Variants in GSG1L observed in about 807,000 individuals in gnomAD.
GSG1L encodes germ cell-specific gene 1-like protein.
GSG1L carries 24 observed loss-of-function variants against 42.1 expected under a neutral mutation model. That is an observed-to-expected ratio of 0.57 (90% CI 0.41 to 0.80). GSG1L has a LOEUF of 0.80. Among genes scored for constraint, GSG1L ranks in the 30% least tolerant of loss-of-function variants. The pLI, the probability that GSG1L is intolerant of heterozygous loss-of-function variation, is 0.00. For synonymous variants in GSG1L, 215 were observed against 203.5 expected (o/e 1.06, Z -0.48); for missense variants, 445 against 472.2 (o/e 0.94, Z 0.53).
At chr16:27,848,623 A>G (rs1158260618) in intron 3 of GSG1L, among the ~76,000 whole-genome samples, 1 of 152,196 alleles carries the variant, frequency 6.6e-6, no homozygotes, top group East Asian at 1.9e-4. Flanking sequence ...GCAGCCAGAC[A>G]ATTAGCATAT....
At chr16:28,023,013 G>C (rs1373535554) in intron 1 of GSG1L, among the ~76,000 whole-genome samples, 1 of 151,988 alleles carries the variant, frequency 6.6e-6, no homozygotes, top group Non-Finnish European at 1.5e-5. Context: ...TATATATAGA[G>C]AGATGAGGTC....
In GSG1L at chr16:27,789,466, T is replaced by A. The variant is rs142640157; in HGVS notation, c.*1904A>T. ...TGATGAATGATGGATAAAGGATGGA[T>A]GGATGATGGATAGATGGATGAATGG... On this transcript the variant is annotated 3_prime_UTR_variant, in exon 7 of 7. Transcript: ENST00000447459. The A allele has an allele frequency of 6.6e-6, 1 of 151,298 alleles. No homozygotes were observed. The highest frequency in any genetic ancestry group is 1.5e-5 in the Non-Finnish European group (1 of 67,842). The allele number at this position is 151,298 out of a possible 1,614,324, so 9.4% of individuals were successfully genotyped here.
At chr16:27,934,753 G>T (rs2084695614) in intron 2 of GSG1L, among the ~76,000 whole-genome samples, 1 of 152,104 alleles carries the variant, frequency 6.6e-6, no homozygotes, top group Non-Finnish European at 1.5e-5. Context: ...TAGCCTCTCT[G>T]AACCTCAGTT....
At chr16:27,909,635 C>CTTT (rs10709968) in intron 2 of GSG1L, among the ~76,000 whole-genome samples, 54 of 88,284 alleles carry the variant, frequency 6.1e-4, no homozygotes, top group South Asian at 1.6e-3. Flanking sequence ...CTGCACCCAG[C>CTTT]TTTTTTTTTT....
chr16:27,832,292 C>T (rs565870653), intron 4 of GSG1L, among the ~76,000 whole-genome samples: 7 of 152,280 alleles, frequency 4.6e-5, no homozygotes, highest in African/African-American at 1.4e-4. Context: ...TACAATATTA[C>T]AATATCACAA....
At chr16:27,903,423 C>G (rs1439843293) in intron 2 of GSG1L, among the ~76,000 whole-genome samples, 1 of 152,160 alleles carries the variant, frequency 6.6e-6, no homozygotes, top group African/African-American at 2.4e-5. Flanking sequence ...GAAACCACAG[C>G]CAAGACAGGG....
At chr16:28,053,125 A>G (rs1487954291) in intron 1 of GSG1L, among the ~76,000 whole-genome samples, 2 of 152,154 alleles carry the variant, frequency 1.3e-5, no homozygotes, top group Non-Finnish European at 2.9e-5. Flanking sequence ...ACCAGGGTGG[A>G]GAGAGGCCCA....
intron 2 of GSG1L, among the ~76,000 whole-genome samples, chr16:27,910,439 G>C (rs1013777933): frequency 6.6e-6 from 1 of 152,166 alleles, no homozygotes; most frequent in Non-Finnish European, 1.5e-5. Context: ...TGTGAGGTAG[G>C]TAATGTGATT....
chr16:27,914,827 T>G (rs1445173268), intron 2 of GSG1L, among the ~76,000 whole-genome samples: 1 of 152,150 alleles, frequency 6.6e-6, no homozygotes, highest in African/African-American at 2.4e-5. Flanking sequence ...GATAGGTCAA[T>G]CCTGCATCCT....
At chr16:27,988,978 G>T (rs1202932095) in intron 1 of GSG1L, among the ~76,000 whole-genome samples, 1 of 150,728 alleles carries the variant, frequency 6.6e-6, no homozygotes, top group African/African-American at 2.4e-5. Context: ...GCTTGAACCC[G>T]GGAGGCGGAT....
At chr16:27,860,694 C>A (rs931363015) in intron 3 of GSG1L, among the ~76,000 whole-genome samples, 8 of 152,178 alleles carry the variant, frequency 5.3e-5, no homozygotes, top group Admixed American at 5.2e-4. Flanking sequence ...CTTTTAGACT[C>A]CCCAGCCATC....
At chr16:28,041,755 T>C (rs2086108455) in intron 1 of GSG1L, among the ~76,000 whole-genome samples, 1 of 152,206 alleles carries the variant, frequency 6.6e-6, no homozygotes, top group African/African-American at 2.4e-5. Flanking sequence ...ATTCTTCCTC[T>C]CATAGCACCA....
At chr16:27,973,511 C>A (rs574649749) in intron 1 of GSG1L, among the ~76,000 whole-genome samples, 1 of 146,540 alleles carries the variant, frequency 6.8e-6, no homozygotes. Flanking sequence ...ATCACTGTCA[C>A]CTACATGCGG....
chr16:27,900,863 C>T (rs1421879671), intron 2 of GSG1L, among the ~76,000 whole-genome samples: 1 of 151,116 alleles, frequency 6.6e-6, no homozygotes, highest in Non-Finnish European at 1.5e-5. Context: ...CATGGTGGCT[C>T]ATGCTTATAA....
intron 2 of GSG1L, among the ~76,000 whole-genome samples, chr16:27,937,467 C>A (rs928856044): frequency 6.6e-6 from 1 of 152,170 alleles, no homozygotes; most frequent in Admixed American, 6.5e-5. Flanking sequence ...GTCTTGAACT[C>A]CTGACCTCGG....
intron 1 of GSG1L, among the ~76,000 whole-genome samples, chr16:27,975,600 C>A (rs1461840235): frequency 6.6e-6 from 1 of 152,164 alleles, no homozygotes; most frequent in Non-Finnish European, 1.5e-5. Flanking sequence ...TGGGCTTAAC[C>A]ACTTTCTAGA....
intron 2 of GSG1L, among the ~76,000 whole-genome samples, chr16:27,887,119 C>T: frequency 6.6e-6 from 1 of 152,020 alleles, no homozygotes; most frequent in East Asian, 1.9e-4. Flanking sequence ...CCATGCCCAG[C>T]TTATTTTTAT....
intron 3 of GSG1L, among the ~76,000 whole-genome samples, chr16:27,862,019 C>T (rs576259941): frequency 1.1e-4 from 16 of 152,304 alleles, no homozygotes; most frequent in Admixed American, 9.1e-4. Flanking sequence ...ATTCAGCTTT[C>T]TAGTCACAGG....
chr16:27,979,801 GAA>G (rs1271408977), intron 1 of GSG1L, among the ~76,000 whole-genome samples: 4 of 115,726 alleles, frequency 3.5e-5, no homozygotes, highest in African/African-American at 1.0e-4. Context: ...AGAAAGGAAA[GAA>G]AGAAAGAAAG....
Sources: gnomAD v4.1 joint callset for allele counts (sites outside exome capture counted in the v4.1 genomes callset) on GRCh38, gnomAD v4.1.1 for gene constraint, MANE v1.5 for transcripts, NCBI Gene and HGNC (gene_info 2026-07-23, HGNC 2026-07-21) for gene names.